The following DST variants were observed in gnomAD, a reference collection of about 807,000 sequenced individuals.
DST encodes dystonin.
In DST, 253 loss-of-function variants were observed where a neutral mutation model predicts 875.2. The ratio of observed to expected loss-of-function variants is 0.29; its 90% CI spans 0.26 to 0.32. DST has a LOEUF of 0.32. DST is among the 10% of genes least tolerant of loss of function. The probability of loss-of-function intolerance (pLI) is 1.00; values close to 1 mark genes in which losing one functional copy is unlikely to be tolerated. For synonymous variants in DST, 3,124 were observed against 3,197.1 expected, an observed-to-expected ratio of 0.98 and a Z score of 0.77; for missense variants, 8,287 against 9,111.6, an observed-to-expected ratio of 0.91 and a Z score of 3.68.
At chr6:56,462,727 C>A (rs1297394214) in intron 102 of DST, among the ~76,000 whole-genome samples, 2 of 152,054 alleles carry the variant, frequency 1.3e-5, no homozygotes, top group Non-Finnish European at 2.9e-5. Context: ...TTACTTAAGT[C>A]TGGCTATAAC....
Position 56,606,307 on chromosome 6 carries a change from G to T in DST, c.8321C>A (p.Thr2774Asn). The T allele has an allele frequency of 1.9e-6, 3 of 1,605,410 alleles. No individual in the cohort carries two copies. The highest frequency in any genetic ancestry group is 2.6e-6 in the Non-Finnish European group (3 of 1,175,416). Reference protein sequence around the residue: ...SWRGRKEEYVTGQEFHSDTDH... With the variant: ...SWRGRKEEYVNGQEFHSDTDH... ...AGTATCGGAGTGAAATTCCTGTCCAGTTACATACTCTTCCTTTCTTCCTCT... is the reference window on the plus strand; with the variant it reads ...AGTATCGGAGTGAAATTCCTGTCCATTTACATACTCTTCCTTTCTTCCTCT... The change falls in exon 40 of 104, where the codon ACT (threonine) becomes AAT (asparagine). Residue 2774 changes from threonine (T) to asparagine (N), a missense_variant. Coordinates refer to ENST00000680361, the MANE Select transcript of DST (RefSeq NM_001374736.1).
intron 4 of DST, among the ~76,000 whole-genome samples, chr6:56,830,097 A>G (rs1342081459): frequency 6.6e-6 from 1 of 152,166 alleles, no homozygotes; most frequent in African/African-American, 2.4e-5. Context: ...CTTCTTTCTT[A>G]TCTTGAAAAA....
rs535072389 is a variant in DST at position 56,609,552 on chromosome 6, A to C, written c.5284-208T>G. On this transcript the variant is annotated intron_variant, in intron 39 of 103. Transcript: ENST00000680361. ...TCTATTCAACAGCACAGGATGTGAT[A>C]AAAGCTTTGAAAACAACATGCATCT... Among the ~76,000 whole-genome samples the C allele has an allele frequency of 2.0e-5, 3 of 152,340 alleles. No individual in the cohort carries two copies. The East Asian group carries it at 5.8e-4, about 29-fold the overall frequency.
At chr6:56,733,036 A>C (rs2099508450) in intron 5 of DST, among the ~76,000 whole-genome samples, 1 of 152,210 alleles carries the variant, frequency 6.6e-6, no homozygotes, top group African/African-American at 2.4e-5. Flanking sequence ...CCAACCTTTC[A>C]GAAGTAAGAT....
Position 56,642,216 on chromosome 6 carries a change from T to C in DST, c.1873-115A>G, listed in dbSNP as rs1213103864. 12 of 973,970 alleles carry C rather than the reference T, an allele frequency of 1.2e-5. No individual in the cohort carries two copies. The South Asian group carries it at 1.7e-4, about 14-fold the overall frequency. The allele number at this position is 973,970 out of a possible 1,614,324, so 60.3% of individuals were successfully genotyped here. On this transcript the variant is annotated intron_variant, in intron 16 of 103. Coordinates refer to ENST00000680361, the MANE Select transcript of DST (RefSeq NM_001374736.1). ...TACTTGGGCTTTCTTTAGTTTTCCT[T>C]GTTGGTTCAAAAATATGTTTTCCCT... is the stretch of plus-strand genomic sequence containing the variant.
At chr6:56,527,395 A>G in intron 68 of DST, 98 bp downstream of exon 68, 1 of 1,423,366 alleles carries the variant, frequency 7.0e-7, no homozygotes. Context: ...ATCCTTCAGC[A>G]TATGTAATGA....
intron 5 of DST, among the ~76,000 whole-genome samples, chr6:56,706,877 T>C (rs1287150646): frequency 6.6e-6 from 1 of 152,178 alleles, no homozygotes; most frequent in African/African-American, 2.4e-5. Flanking sequence ...ATGTGGCGTA[T>C]GCCTGTAATC....
At chr6:56,834,889 T>C (rs1303657663) in intron 4 of DST, among the ~76,000 whole-genome samples, 3 of 152,186 alleles carry the variant, frequency 2.0e-5, no homozygotes, top group Non-Finnish European at 1.5e-5. Context: ...CACAAAAATC[T>C]GCACTCAACT....
chr6:56,464,866 C>T, intron 99 of DST, 110 bp from the exon 100 acceptor site: 2 of 764,458 alleles, frequency 2.6e-6, no homozygotes, highest in Non-Finnish European at 4.3e-6. Flanking sequence ...TGGCCTTTAG[C>T]ACACATTTTA....
Position 56,553,414 on chromosome 6 carries a change from T to C in DST, c.15378A>G (p.Leu5126=), listed in dbSNP as rs1037125017. Residue 5126 remains leucine, a synonymous_variant, in exon 61 of 104, where the codon TTA becomes TTG. Transcript: ENST00000680361. ...KTIAEGENLL[L]KTQGSEKAAL... ...CTGCCTTCTCAGACCCTTGTGTTTT[T>C]AATAACAGATTTTCACCTTCTGCAA... 6.2e-7 allele frequency: 1 copy of C among 1,601,146 alleles called. No individual in the cohort carries two copies. The highest frequency in any genetic ancestry group is 2.2e-5 in the East Asian group (1 of 44,806).
intron 69 of DST, among the ~76,000 whole-genome samples, chr6:56,520,744 T>G (rs1473234381): frequency 1.3e-5 from 2 of 151,698 alleles, no homozygotes; most frequent in Non-Finnish European, 2.9e-5. Context: ...TAAAAAAAAT[T>G]TTAAAAGAAA....
intron 5 of DST, among the ~76,000 whole-genome samples, chr6:56,720,716 T>C (rs1257836828): frequency 6.6e-6 from 1 of 152,210 alleles, no homozygotes; most frequent in Non-Finnish European, 1.5e-5. Context: ...GAATTTTTCT[T>C]AGTACAGAAC....
chr6:56,717,582 A>G (rs1461731477), intron 5 of DST, among the ~76,000 whole-genome samples: 2 of 151,846 alleles, frequency 1.3e-5, no homozygotes, highest in Non-Finnish European at 2.9e-5. Flanking sequence ...TTCCCCAATT[A>G]CTCCTGCAGA....
chr6:56,871,415 G>C, intron 3 of DST: 1 of 1,584,724 alleles, frequency 6.3e-7, no homozygotes, highest in Non-Finnish European at 8.7e-7. Flanking sequence ...AGGCCAAGCA[G>C]TGAGGCCGGA....
At chr6:56,921,487 T>C (rs1468111814) in intron 2 of DST, among the ~76,000 whole-genome samples, 1 of 152,230 alleles carries the variant, frequency 6.6e-6, no homozygotes, top group African/African-American at 2.4e-5. Flanking sequence ...CAGTTATCAA[T>C]GCATTTCTTC....
At chr6:56,654,785 C>T (rs1489196205) in intron 10 of DST, among the ~76,000 whole-genome samples, 2 of 151,942 alleles carry the variant, frequency 1.3e-5, no homozygotes. Context: ...TTTCAGTACT[C>T]CAAAACTTTA....
In DST at chr6:56,589,008, T is replaced by C. The variant is rs2098218902; in HGVS notation, c.12903+3174A>G. ...AGACCACAGGGACAGTTTATTCATATAACATGGTTATTTAGGAGATGAAGT... is the reference window on the plus strand; with the variant it reads ...AGACCACAGGGACAGTTTATTCATACAACATGGTTATTTAGGAGATGAAGT... On this transcript the variant is annotated intron_variant, in intron 49 of 103. Coordinates refer to ENST00000680361, the MANE Select transcript of DST (RefSeq NM_001374736.1). 2.0e-5 allele frequency among the ~76,000 whole-genome samples: 3 copies of C among 152,366 alleles called. No homozygotes were observed. In the South Asian group the frequency reaches 6.2e-4, roughly 32 times the overall value.
Position 56,604,064 on chromosome 6 carries a change from T to C in DST, c.10564A>G (p.Met3522Val). ...CCAAGAATATGTGGCTTTTCTTCCATCATCTCAGATGTAGAACATGCTTTT... is the reference window on the plus strand; with the variant it reads ...CCAAGAATATGTGGCTTTTCTTCCACCATCTCAGATGTAGAACATGCTTTT... Reference protein sequence around the residue: ...NQKACSTSEMMEEKPHILGDI... With the variant: ...NQKACSTSEMVEEKPHILGDI... Residue 3522 changes from methionine to valine, a missense_variant, in exon 40 of 104, where the codon ATG becomes GTG. This residue lies in a region of DST where 3,138 missense variants were observed against 3,116.6 expected (regional missense o/e 1.01). Transcript: ENST00000680361. 1 of 1,584,068 alleles carries C rather than the reference T, an allele frequency of 6.3e-7. No homozygotes were observed. Among genetic ancestry groups the C allele is most frequent in the Non-Finnish European group, 8.6e-7 (1 of 1,162,834 alleles).
intron 4 of DST, among the ~76,000 whole-genome samples, chr6:56,797,601 A>T (rs1382425400): frequency 6.6e-6 from 1 of 152,168 alleles, no homozygotes; most frequent in East Asian, 1.9e-4. Flanking sequence ...TGGGAAGCTG[A>T]GGCAGGCGAA....
Sources: gnomAD v4.1 joint callset for allele counts (sites outside exome capture counted in the v4.1 genomes callset) on GRCh38, gnomAD v4.1.1 for gene constraint, gnomAD v4.1.1 regional missense constraint, MANE v1.5 for transcripts, NCBI Gene and HGNC (gene_info 2026-07-23, HGNC 2026-07-21) for gene names.